Variants in SFT2D1 observed in about 807,000 individuals in gnomAD.
The protein encoded by SFT2D1 is vesicle transport protein SFT2A.
In SFT2D1, 24 loss-of-function variants were observed where a neutral mutation model predicts 28.1. That is an observed-to-expected ratio of 0.85 (90% CI 0.62 to 1.20). The LOEUF is 1.20. Among genes scored for constraint, SFT2D1 ranks in the 50% most tolerant of loss-of-function variants. SFT2D1 has a pLI of 0.00. For missense variants in SFT2D1, 181 were observed against 190.9 expected (o/e 0.95, Z 0.31); for synonymous variants, 82 against 73.7 (o/e 1.11, Z -0.58).
intron 1 of SFT2D1, among the ~76,000 whole-genome samples, chr6:166,338,637 G>A (rs984064332): frequency 6.6e-6 from 1 of 152,048 alleles, no homozygotes; most frequent in Non-Finnish European, 1.5e-5. Flanking sequence ...CTCCAACTGA[G>A]GAGGAGAAAG....
At position 166,329,508 on chromosome 6, in the gene SFT2D1, T is replaced by C. The variant is rs1473668334; in HGVS notation, c.232A>G (p.Ser78Gly). The part of the protein sequence containing the change: ...YTLGNLAALA[S>G]TCFLMGPVKQ... ...GATATTTTGAGAAGCCAAACGTACC[T>C]GGCTAACGCAGCAAGATTGCCGAGG... The change falls in exon 3 of 8, where the codon AGT (serine) becomes GGT (glycine). Residue 78 changes from serine (S) to glycine (G), a missense_variant and splice_region_variant. Transcript: ENST00000361731. The C allele has an allele frequency of 2.5e-6, 4 of 1,605,734 alleles. No individual in the cohort carries two copies. The highest frequency in any genetic ancestry group is 3.4e-6 in the Non-Finnish European group (4 of 1,174,688).
Position 166,328,216 on chromosome 6 carries a change from G to A in SFT2D1, c.315+60C>T, listed in dbSNP as rs370776069. On this transcript the variant is annotated intron_variant, in intron 4 of 7. Transcript: ENST00000361731. Reference sequence around the variant, plus strand: ...ATACATACATAACAGGCAATTATTCGTAAAATAACAGTGCAAAGAATACTT... The same window carrying A: ...ATACATACATAACAGGCAATTATTCATAAAATAACAGTGCAAAGAATACTT... 303 of 1,018,832 alleles carry A rather than the reference G, an allele frequency of 3.0e-4. 4 individuals are homozygous for A. In the Middle Eastern group the frequency reaches 5.5e-3, roughly 18 times the overall value. The allele number at this position is 1,018,832 out of a possible 1,614,324, so 63.1% of individuals were successfully genotyped here.
intron 4 of SFT2D1, among the ~76,000 whole-genome samples, 183 bp downstream of exon 4, chr6:166,328,093 C>T (rs1313204440): frequency 1.3e-5 from 2 of 151,534 alleles, no homozygotes; most frequent in Non-Finnish European, 2.9e-5. Context: ...CCACCGTGCC[C>T]GGCCGGATAT....
chr6:166,334,923 T>C (rs1277244117), intron 1 of SFT2D1: 9 of 430,810 alleles, frequency 2.1e-5, no homozygotes, highest in Middle Eastern at 8.3e-4. Flanking sequence ...AAAGAAGACA[T>C]TGAAGAACAT....
chr6:166,319,773 A>G lies in SFT2D1; in HGVS notation c.*444T>C, dbSNP rs1778310988. 2 of 152,212 alleles carry G rather than the reference A, an allele frequency of 1.3e-5. No individual in the cohort carries two copies. The highest frequency in any genetic ancestry group is 2.4e-5 in the African/African-American group (1 of 41,436). 9.4% of individuals were successfully genotyped at this position (152,212 alleles called of 1,614,324 possible). A position where few individuals can be genotyped will look rare whatever the true frequency, so the allele number is the denominator to read the frequency against. The stretch of plus-strand genomic sequence containing the variant: ...TTATTTCAAAATTGTAAAGATTTAT[A>G]TATTATTTTTATTACATATAATAAG... On this transcript the variant is annotated 3_prime_UTR_variant, in exon 8 of 8. Transcript: ENST00000361731.
chr6:166,335,177 T>C, intron 1 of SFT2D1: 2 of 622,126 alleles, frequency 3.2e-6, no homozygotes, highest in Admixed American at 1.8e-5. Flanking sequence ...TCTGGAAACT[T>C]TGGTGGTGGT....
At chr6:166,332,652 T>C (rs1778572435) in intron 1 of SFT2D1, among the ~76,000 whole-genome samples, 1 of 152,156 alleles carries the variant, frequency 6.6e-6, no homozygotes, top group Non-Finnish European at 1.5e-5. Context: ...CTCTTAGTCT[T>C]AGAAAAGAAA....
At chr6:166,339,532 T>A (rs1378187460) in intron 1 of SFT2D1, among the ~76,000 whole-genome samples, 2 of 152,104 alleles carry the variant, frequency 1.3e-5, no homozygotes, top group African/African-American at 4.8e-5. Flanking sequence ...GAGATGGCCA[T>A]ACCATCTCCA....
At chr6:166,327,988 G>T (rs988035911) in intron 4 of SFT2D1, among the ~76,000 whole-genome samples, 1 of 151,906 alleles carries the variant, frequency 6.6e-6, no homozygotes, top group Non-Finnish European at 1.5e-5. Context: ...AGTAGAGACG[G>T]GGTTTCATTA....
rs766881360 is a variant in SFT2D1 at position 166,322,899 on chromosome 6, T to G, written c.411-13A>C. 1.9e-6 allele frequency: 3 copies of G among 1,609,260 alleles called. No homozygotes were observed. In the East Asian group the frequency reaches 6.7e-5, roughly 36 times the overall value. On this transcript the variant is annotated splice_polypyrimidine_tract_variant and intron_variant, in intron 6 of 7. Transcript: ENST00000361731. ...CGACAGGCTATACCTGCAAGAAATA[T>G]TCAAGCATGTTGAATCTTCATCTGA...
At chr6:166,340,800 G>C (rs1314057749) in intron 1 of SFT2D1, among the ~76,000 whole-genome samples, 1 of 152,168 alleles carries the variant, frequency 6.6e-6, no homozygotes, top group Non-Finnish European at 1.5e-5. Context: ...ATTAACACCT[G>C]CATCTTGAAC....
At chr6:166,332,457 T>C (rs1426588674) in intron 1 of SFT2D1, among the ~76,000 whole-genome samples, 1 of 152,216 alleles carries the variant, frequency 6.6e-6, no homozygotes, top group African/African-American at 2.4e-5. Context: ...GGTTTCACTA[T>C]GTTGGCCAGG....
intron 1 of SFT2D1, chr6:166,334,935 G>A (rs759500744): frequency 4.5e-6 from 2 of 444,934 alleles, no homozygotes; most frequent in South Asian, 1.9e-5. Context: ...GAAGAACATC[G>A]CCTAAGAGAT....
rs746791538 is a variant in SFT2D1 at position 166,320,256 on chromosome 6, C to G, written c.441G>C (p.Arg147Ser). The change falls in exon 8 of 8, where the codon AGG becomes AGC. Residue 147 changes from arginine to serine, a missense_variant and splice_region_variant. Arg to Ser is a moderately radical substitution (Grantham distance 110, BLOSUM62 -1). Coordinates refer to ENST00000361731, the MANE Select transcript of SFT2D1 (RefSeq NM_145169.3). ...AAGAACAGCATTTAATAACTGCATC[C>G]CTGGTGGAAAAGAGAGGGAAAAAAA... ...WYSLSYIPYA[R>S]DAVIKCCSSL... is the part of the protein sequence containing the mutation. The G allele has an allele frequency of 5.6e-6, 9 of 1,609,504 alleles. No homozygotes were observed. The highest frequency in any genetic ancestry group is 2.7e-5 in the African/African-American group (2 of 74,728).
At chr6:166,340,158 T>G (rs1258281667) in intron 1 of SFT2D1, among the ~76,000 whole-genome samples, 1 of 152,242 alleles carries the variant, frequency 6.6e-6, no homozygotes, top group Non-Finnish European at 1.5e-5. Context: ...CTTTTTTGTT[T>G]TTTAAACAGG....
chr6:166,320,755 C>G (rs1778337852), intron 7 of SFT2D1, among the ~76,000 whole-genome samples: 1 of 151,402 alleles, frequency 6.6e-6, no homozygotes, highest in Non-Finnish European at 1.5e-5. Context: ...GCGCTCAAGC[C>G]ATCCACCCGT....
chr6:166,335,454 G>A (rs1778628756), intron 1 of SFT2D1: 1 of 547,412 alleles, frequency 1.8e-6, no homozygotes. Context: ...TATGGTGGTG[G>A]AGAACAATAC....
intron 5 of SFT2D1, chr6:166,325,865 G>C (rs1778435694): frequency 3.7e-6 from 2 of 544,568 alleles, no homozygotes; most frequent in Admixed American, 3.3e-5. Context: ...GCAGACAGTA[G>C]AATCTATGGC....
chr6:166,326,477 T>C (rs549405852), intron 4 of SFT2D1, among the ~76,000 whole-genome samples: 10 of 152,160 alleles, frequency 6.6e-5, no homozygotes, highest in African/African-American at 9.7e-5. Flanking sequence ...CAGTGTGGTG[T>C]TGGAAAGACC....
Sources: allele counts gnomAD v4.1 joint callset (sites outside exome capture counted in the v4.1 genomes callset), GRCh38; gene constraint gnomAD v4.1.1; transcripts MANE v1.5; gene names NCBI Gene and HGNC (gene_info 2026-07-23, HGNC 2026-07-21).